The following COL11A1 variants were observed in gnomAD, a reference collection of about 807,000 sequenced individuals.
COL11A1 encodes the protein collagen alpha-1(XI) chain.
COL11A1 carries 74 observed loss-of-function variants against 265.2 expected under a neutral mutation model. The ratio of observed to expected loss-of-function variants is 0.28; its 90% confidence interval spans 0.23 to 0.34. The LOEUF (loss-of-function observed/expected upper bound fraction) is 0.34. Among genes scored for constraint, COL11A1 ranks in the 10% least tolerant of loss-of-function variants. The probability of loss-of-function intolerance (pLI) is 1.00; values close to 1 mark genes in which losing one functional copy is unlikely to be tolerated. For synonymous variants in COL11A1, 816 were observed against 727.6 expected (o/e 1.12, Z -1.96); for missense variants, 2,165 against 2,263.6 (o/e 0.96, Z 0.88).
intron 16 of COL11A1, 46 bp from the exon 17 acceptor site, chr1:103,006,167 A>T (rs1293424259): frequency 3.9e-6 from 6 of 1,524,558 alleles, no homozygotes; most frequent in Non-Finnish European, 5.4e-6. Context: ...TTTTATTACT[A>T]GCAAGGAAGT....
chr1:103,102,651 T>C (rs1366441258), intron 1 of COL11A1, among the ~76,000 whole-genome samples: 4 of 152,014 alleles, frequency 2.6e-5, no homozygotes, highest in Non-Finnish European at 5.9e-5. Context: ...GTGTATCTAA[T>C]AAAATTCTGG....
Position 102,981,221 on chromosome 1 carries a change from G to A in COL11A1, c.2557-1786C>T, listed in dbSNP as rs1663004448. 2.0e-5 allele frequency among the ~76,000 whole-genome samples: 3 copies of A among 152,080 alleles called. No homozygotes were observed. In the South Asian group the frequency reaches 6.2e-4, roughly 32 times the overall value. On this transcript the variant is annotated intron_variant, in intron 31 of 66. Transcript: ENST00000370096. ...AACCTGAGAACAATTATTAGGATGT[G>A]TAATATTCACGTACTGGGGAAAAAA...
intron 1 of COL11A1, among the ~76,000 whole-genome samples, chr1:103,088,356 T>G (rs2102353826): frequency 6.6e-6 from 1 of 152,188 alleles, no homozygotes; most frequent in South Asian, 2.1e-4. Flanking sequence ...AGTTTTTTTT[T>G]GTCAGAACTA....
At position 103,021,753 on chromosome 1, in the gene COL11A1, G is replaced by T. The variant is rs775644641; in HGVS notation, c.1262C>A (p.Ala421Glu). 1 of 1,610,714 alleles carries T rather than the reference G, an allele frequency of 6.2e-7. No individual in the cohort carries two copies. Among genetic ancestry groups the T allele is most frequent in the Non-Finnish European group, 8.5e-7 (1 of 1,177,192 alleles). ...TCCTTTCTGTCCTTTCTCTCCATAT[G>T]CACCATGGCCATTTATCTGTTGAAT... ...ITETSINGHGAYGEKGQKGEP... is the reference protein window; with the variant it reads ...ITETSINGHGEYGEKGQKGEP... Residue 421 changes from alanine (A) to glutamate (E), a missense_variant, in exon 9 of 67, where the codon GCA becomes GAA. Coordinates refer to ENST00000370096, the MANE Select transcript of COL11A1 (RefSeq NM_001854.4).
At chr1:103,093,597 G>A (rs182283284) in intron 1 of COL11A1, among the ~76,000 whole-genome samples, 2 of 152,274 alleles carry the variant, frequency 1.3e-5, no homozygotes, top group African/African-American at 4.8e-5. Context: ...AAGCCTTGAA[G>A]GGAAAAGATA....
intron 49 of COL11A1, 118 bp from the exon 50 acceptor site, chr1:102,915,802 G>T: frequency 2.5e-6 from 2 of 813,694 alleles, no homozygotes; most frequent in Non-Finnish European, 3.8e-6. Flanking sequence ...TATTTAAAAG[G>T]CATTGAAAAA....
chr1:102,934,056 C>CGCT (rs201899668), intron 46 of COL11A1, among the ~76,000 whole-genome samples: 1,792 of 152,254 alleles, frequency 0.012, 35 homozygotes, highest in African/African-American at 0.041. Context: ...TATTCTGCGT[C>CGCT]GCTCACGCTG....
At chr1:102,905,038 C>T (rs953533747) in intron 54 of COL11A1, among the ~76,000 whole-genome samples, 8 of 151,786 alleles carry the variant, frequency 5.3e-5, no homozygotes, top group African/African-American at 1.9e-4. Flanking sequence ...GAATACTATG[C>T]AGCCATAAAA....
rs1338717509 is a variant in COL11A1 at position 102,974,898 on chromosome 1, C to T, written c.2755-15G>A. 5 of 1,610,076 alleles carry T rather than the reference C, an allele frequency of 3.1e-6. No individual in the cohort carries two copies. Among genetic ancestry groups the T allele is most frequent in the Non-Finnish European group, 3.4e-6 (4 of 1,176,570 alleles). On this transcript the variant is annotated splice_polypyrimidine_tract_variant and intron_variant, in intron 35 of 66. Coordinates refer to ENST00000370096, the MANE Select transcript of COL11A1 (RefSeq NM_001854.4). Reference sequence around the variant, plus strand: ...CCTTGAGGACCCTGGAAATAAAAAGCAGTGGGGAGAAGTTAACAATATGCC... The same window carrying T: ...CCTTGAGGACCCTGGAAATAAAAAGTAGTGGGGAGAAGTTAACAATATGCC...
chr1:103,079,239 T>C (rs953406939), intron 2 of COL11A1, among the ~76,000 whole-genome samples: 6 of 152,104 alleles, frequency 3.9e-5, no homozygotes, highest in Admixed American at 3.3e-4. Context: ...CTTTGTCTAG[T>C]CCGTAGCCAT....
In COL11A1 at chr1:103,101,212, C is replaced by T. The variant is rs113897206; in HGVS notation, c.106+6861G>A. On this transcript the variant is annotated intron_variant, in intron 1 of 66. Transcript: ENST00000370096. Reference sequence around the variant, plus strand: ...AGGTGGGAAATGGCTGGTCTTGAGCCTGGACATAAAGATATGCCACATCCT... The same window carrying T: ...AGGTGGGAAATGGCTGGTCTTGAGCTTGGACATAAAGATATGCCACATCCT... 2.9e-3 allele frequency among the ~76,000 whole-genome samples: 448 copies of T among 151,926 alleles called. 3 individuals carry two copies. The highest frequency in any genetic ancestry group is 9.1e-3 in the African/African-American group (377 of 41,478).
intron 4 of COL11A1, among the ~76,000 whole-genome samples, chr1:103,034,963 C>A (rs1490707915): frequency 1.3e-5 from 2 of 152,042 alleles, no homozygotes; most frequent in African/African-American, 4.8e-5. Flanking sequence ...AATGAGGTCT[C>A]TGGTTAGGTT....
intron 18 of COL11A1, among the ~76,000 whole-genome samples, chr1:103,004,896 T>C (rs759206226): frequency 1.1e-3 from 172 of 151,450 alleles, no homozygotes; most frequent in Non-Finnish European, 1.6e-3. Flanking sequence ...CAATTTTCAA[T>C]ACAAAAGAGT....
chr1:103,086,032 C>A (rs552638490), intron 1 of COL11A1, among the ~76,000 whole-genome samples: 2 of 152,010 alleles, frequency 1.3e-5, no homozygotes, highest in African/African-American at 4.8e-5. Flanking sequence ...CCTGCTATAC[C>A]CCAAAATAAA....
chr1:102,888,588 G>A lies in COL11A1; in HGVS notation c.4597C>T (p.Pro1533Ser). 2 of 1,613,372 alleles carry A rather than the reference G, an allele frequency of 1.2e-6. No individual in the cohort carries two copies. The highest frequency in any genetic ancestry group is 1.7e-6 in the Non-Finnish European group (2 of 1,179,418). Residue 1533 changes from proline (P) to serine (S), a missense_variant, in exon 62 of 67, where the codon CCT becomes TCT. Pro to Ser is a moderately conservative substitution (Grantham distance 74, BLOSUM62 -1). Transcript: ENST00000370096. Reference sequence around the variant, plus strand: ...TAACATATACTTACTGGAGACCCAGGAGGCCCTGGAAGACCACTGTCACCT... The same window carrying A: ...TAACATATACTTACTGGAGACCCAGAAGGCCCTGGAAGACCACTGTCACCT... The part of the protein sequence containing the change: ...QKGDSGLPGP[P>S]GSPGPPGEVI...
At position 102,974,854 on chromosome 1, in the gene COL11A1, T is replaced by A. The variant is rs372062790; in HGVS notation, c.2784A>T (p.Gly928=). The part of the protein sequence containing the change: ...RGPQGPQGPV[G]FPGPKGPPGP... ...CAGGAGGGCCTTTTGGTCCAGGGAA[T>A]CCAACTGGACCCTGAGGTCCTTGAG... The change falls in exon 36 of 67, where the codon GGA becomes GGT. Residue 928 remains glycine (G), a synonymous_variant. Coordinates refer to ENST00000370096, the MANE Select transcript of COL11A1 (RefSeq NM_001854.4). 7 of 1,613,532 alleles carry A rather than the reference T, an allele frequency of 4.3e-6. No individual in the cohort carries two copies. In the South Asian group the frequency reaches 7.7e-5, roughly 18 times the overall value.
intron 4 of COL11A1, among the ~76,000 whole-genome samples, chr1:103,063,071 A>G (rs1015844430): frequency 6.6e-6 from 1 of 152,004 alleles, no homozygotes; most frequent in African/African-American, 2.4e-5. Context: ...ATATCGAACA[A>G]CTTTAAAAAT....
intron 1 of COL11A1, among the ~76,000 whole-genome samples, chr1:103,092,722 A>G (rs999238654): frequency 6.6e-6 from 1 of 152,076 alleles, no homozygotes; most frequent in African/African-American, 2.4e-5. Context: ...GTAAAAAGTG[A>G]TCTCTCATGT....
intron 5 of COL11A1, among the ~76,000 whole-genome samples, chr1:103,029,341 T>C (rs1667801961): frequency 6.6e-6 from 1 of 152,042 alleles, no homozygotes; most frequent in South Asian, 2.1e-4. Context: ...GCAACCAACA[T>C]TGCATTATTA....
Sources: allele counts gnomAD v4.1 joint callset (sites outside exome capture counted in the v4.1 genomes callset), GRCh38; gene constraint gnomAD v4.1.1; transcripts MANE v1.5; gene names NCBI Gene and HGNC (gene_info 2026-07-23, HGNC 2026-07-21).